The following DLGAP1 variants were observed in gnomAD, a reference collection of about 807,000 sequenced individuals.
DLGAP1 encodes DLG associated protein 1, also known as disks large-associated protein 1.
A neutral mutation model predicts 90.8 loss-of-function variants in DLGAP1; 11 were observed. That is an observed-to-expected ratio of 0.12 (90% CI 0.08 to 0.20). DLGAP1 has a LOEUF of 0.20. Ranked by LOEUF, DLGAP1 falls within the 10% of genes least tolerant of loss-of-function variation. DLGAP1 has a pLI of 1.00. For missense variants in DLGAP1, 1,050 were observed against 1,333.8 expected (o/e 0.79, Z 3.31); for synonymous variants, 558 against 540.7 (o/e 1.03, Z -0.44).
intron 9 of DLGAP1, among the ~76,000 whole-genome samples, chr18:3,536,348 C>T (rs1036845391): frequency 2.2e-4 from 34 of 151,780 alleles, no homozygotes; most frequent in African/African-American, 6.8e-4. Context: ...CTCAGCCTCC[C>T]GAATAGCTGG....
At chr18:4,066,858 A>G (rs1466802366) in intron 2 of DLGAP1, among the ~76,000 whole-genome samples, 2 of 152,150 alleles carry the variant, frequency 1.3e-5, no homozygotes, top group African/African-American at 4.8e-5. Context: ...TCATTCTACC[A>G]GAAAAACACA....
chr18:4,416,349 C>T lies in DLGAP1; in HGVS notation c.-267+38657G>A, dbSNP rs148873277. On this transcript the variant is annotated intron_variant, in intron 1 of 12. Coordinates refer to ENST00000315677, the MANE Select transcript of DLGAP1 (RefSeq NM_004746.4). Reference sequence around the variant, plus strand: ...ATAATAGGTTGCTATTGAGTTATGCCTATATTAGAAGGGATTATCAAAATT... The same window carrying T: ...ATAATAGGTTGCTATTGAGTTATGCTTATATTAGAAGGGATTATCAAAATT... Among the ~76,000 whole-genome samples, 177 of 151,952 alleles carry T rather than the reference C, an allele frequency of 1.2e-3. 2 individuals carry two copies. The highest frequency in any genetic ancestry group is 4.1e-3 in the African/African-American group (170 of 41,452).
chr18:3,626,430 C>A (rs779205421), intron 7 of DLGAP1, among the ~76,000 whole-genome samples: 6 of 151,156 alleles, frequency 4.0e-5, no homozygotes, highest in Non-Finnish European at 8.9e-5. Flanking sequence ...TCAGTCTCTA[C>A]AAAAAATACA....
chr18:4,107,580 G>C (rs2075891968), intron 2 of DLGAP1, among the ~76,000 whole-genome samples: 1 of 152,156 alleles, frequency 6.6e-6, no homozygotes. Flanking sequence ...TGTAGTGATG[G>C]TTGCGTAGCA....
At chr18:3,738,856 A>C (rs1233462041) in intron 6 of DLGAP1, among the ~76,000 whole-genome samples, 2 of 148,472 alleles carry the variant, frequency 1.3e-5, no homozygotes, top group East Asian at 4.0e-4. Flanking sequence ...AAATGGGAGA[A>C]AATTTTTGCA....
chr18:4,174,621 C>A (rs896511857), intron 1 of DLGAP1, among the ~76,000 whole-genome samples: 2 of 152,200 alleles, frequency 1.3e-5, no homozygotes, highest in African/African-American at 4.8e-5. Flanking sequence ...GCATGAGCCA[C>A]CGCACCCAAC....
At chr18:3,836,697 A>C (rs2068406157) in intron 4 of DLGAP1, among the ~76,000 whole-genome samples, 1 of 152,184 alleles carries the variant, frequency 6.6e-6, no homozygotes, top group Non-Finnish European at 1.5e-5. Flanking sequence ...AGAGGGAGCA[A>C]GTGTTCTCAG....
At position 3,760,617 on chromosome 18, in the gene DLGAP1, CAT is replaced by C. The variant is rs1335105957; in HGVS notation, c.1173-18107_1173-18106del. 2.0e-5 allele frequency among the ~76,000 whole-genome samples: 3 copies of C among 152,244 alleles called. No homozygotes were observed. The East Asian group carries it at 5.8e-4, about 29-fold the overall frequency. ...GTCTGTGTGAGAACGCGGTCATACA[CAT>C]GTGGGCAAATCACTGTCCAGAACTG... On this transcript the variant is annotated intron_variant, in intron 5 of 12. Transcript: ENST00000315677.
At chr18:3,803,791 C>A (rs2066425107) in intron 5 of DLGAP1, among the ~76,000 whole-genome samples, 1 of 151,950 alleles carries the variant, frequency 6.6e-6, no homozygotes, top group African/African-American at 2.4e-5. Context: ...GGTTAAAAAT[C>A]AACTCGAAAT....
At chr18:3,502,696 G>A (rs1192183909) in intron 11 of DLGAP1, 51 bp from the exon 12 acceptor site, 4 of 1,564,920 alleles carry the variant, frequency 2.6e-6, no homozygotes, top group South Asian at 2.4e-5. Flanking sequence ...TTCTTGACAA[G>A]CACAGGGCCA....
chr18:3,942,081 T>C (rs981839223), intron 3 of DLGAP1, among the ~76,000 whole-genome samples: 1 of 152,176 alleles, frequency 6.6e-6, no homozygotes, highest in Non-Finnish European at 1.5e-5. Flanking sequence ...ACATGTATAG[T>C]GAAGATCATG....
chr18:4,127,057 C>T (rs984332854), intron 2 of DLGAP1, among the ~76,000 whole-genome samples: 1 of 152,154 alleles, frequency 6.6e-6, no homozygotes, highest in African/African-American at 2.4e-5. Context: ...TGGCTTATGA[C>T]ACTGTAATAT....
intron 1 of DLGAP1, among the ~76,000 whole-genome samples, chr18:4,245,308 C>T (rs1342442515): frequency 6.6e-6 from 1 of 152,128 alleles, no homozygotes; most frequent in East Asian, 1.9e-4. Flanking sequence ...TTTCTTTCAT[C>T]AGCATTATGA....
chr18:3,593,990 T>G, intron 7 of DLGAP1: 1 of 144,276 alleles, frequency 6.9e-6, no homozygotes, highest in African/African-American at 2.6e-5. Context: ...CAGGGAGGGG[T>G]CAGAGAGTTC....
At chr18:3,536,582 T>C (rs1212151820) in intron 9 of DLGAP1, among the ~76,000 whole-genome samples, 4 of 152,164 alleles carry the variant, frequency 2.6e-5, no homozygotes, top group African/African-American at 9.7e-5. Context: ...CTGGTAAAGG[T>C]TTACCTTTCT....
intron 5 of DLGAP1, among the ~76,000 whole-genome samples, chr18:3,759,610 T>C (rs2063867021): frequency 6.6e-6 from 1 of 152,246 alleles, no homozygotes; most frequent in Admixed American, 6.5e-5. Flanking sequence ...ATGCCGACTA[T>C]GCATGACGCT....
intron 4 of DLGAP1, among the ~76,000 whole-genome samples, chr18:3,834,382 A>T (rs2068252066): frequency 6.6e-6 from 1 of 151,364 alleles, no homozygotes; most frequent in Non-Finnish European, 1.5e-5. Context: ...AGCAAAATGC[A>T]TGGTAGTGAA....
chr18:4,387,923 T>TCTCACACACACACA (rs766869482), intron 1 of DLGAP1, among the ~76,000 whole-genome samples: 1 of 33,668 alleles, frequency 3.0e-5, no homozygotes, highest in East Asian at 1.4e-3. Context: ...AGAGACTCCA[T>TCTCACACACACACA]CACACATACA....
intron 1 of DLGAP1, among the ~76,000 whole-genome samples, chr18:4,429,649 C>A (rs2083238284): frequency 6.6e-6 from 1 of 152,062 alleles, no homozygotes; most frequent in Non-Finnish European, 1.5e-5. Flanking sequence ...CTGGCAATAC[C>A]ACGTAGCAAA....
Sources: gnomAD v4.1 joint callset for allele counts (sites outside exome capture counted in the v4.1 genomes callset) on GRCh38, gnomAD v4.1.1 for gene constraint, MANE v1.5 for transcripts, NCBI Gene and HGNC (gene_info 2026-07-23, HGNC 2026-07-21) for gene names.